MOXD1: variants seen among roughly 807,000 people sequenced by gnomAD.
MOXD1 encodes DBH-like monooxygenase protein 1.
Under a neutral mutation model 66.6 loss-of-function variants are expected in MOXD1, and 62 were observed. That is an observed-to-expected ratio of 0.93 (90% confidence interval 0.76 to 1.15). The LOEUF is 1.15. Among genes scored for constraint, MOXD1 ranks in the 50% most tolerant of loss-of-function variants. The probability of loss-of-function intolerance (pLI) is 0.00; values close to 1 mark genes in which losing one functional copy is unlikely to be tolerated. For synonymous variants in MOXD1, 303 were observed against 281.9 expected, an observed-to-expected ratio of 1.07 and a Z score of -0.75; for missense variants, 847 against 754.6, an observed-to-expected ratio of 1.12 and a Z score of -1.44.
intron 9 of MOXD1, among the ~76,000 whole-genome samples, chr6:132,317,168 T>A (rs1442696280): frequency 6.6e-6 from 1 of 152,140 alleles, no homozygotes; most frequent in African/African-American, 2.4e-5. Flanking sequence ...ACAAAGCAAC[T>A]GCCAACCAAG....
In MOXD1 at chr6:132,322,765, C is replaced by T. The variant is rs1295845106; in HGVS notation, c.1219G>A (p.Glu407Lys). ...IRLRHFRKGK[E>K]MKLLAYDDDF... is the part of the protein sequence containing the mutation. ...TCATCATAGGCAAGTAATTTCATTT[C>T]CTTCCCTTTTCGAAAATGACGCAGC... Residue 407 changes from glutamate to lysine, a missense_variant, in exon 8 of 12, where the codon GAA becomes AAA. Physicochemically the swap from Glu to Lys is moderately conservative, Grantham distance 56. Transcript: ENST00000367963. 6 of 1,614,092 alleles carry T rather than the reference C, an allele frequency of 3.7e-6. No individual in the cohort carries two copies. Among genetic ancestry groups the T allele is most frequent in the Non-Finnish European group, 5.1e-6 (6 of 1,179,982 alleles).
At position 132,296,526 on chromosome 6, in the gene MOXD1, A is replaced by G. The variant is rs1287345412; in HGVS notation, c.*627T>C. On this transcript the variant is annotated 3_prime_UTR_variant, in exon 12 of 12. Coordinates refer to ENST00000367963, the MANE Select transcript of MOXD1 (RefSeq NM_015529.4). ...CAGTACTAAACAGGGAAGGTGAAAA[A>G]AAGTACTTTAAGATGGGTGTGGGGT... The G allele has an allele frequency of 1.3e-5, 2 of 152,182 alleles. No homozygotes were observed. Among genetic ancestry groups the G allele is most frequent in the Admixed American group, 6.6e-5 (1 of 15,264 alleles). 9.4% of individuals were successfully genotyped at this position (152,182 alleles called of 1,614,324 possible).
At chr6:132,353,585 G>C (rs1254068738) in intron 4 of MOXD1, among the ~76,000 whole-genome samples, 1 of 152,000 alleles carries the variant, frequency 6.6e-6, no homozygotes, top group East Asian at 1.9e-4. Flanking sequence ...TGTCTCGTAG[G>C]TCTTACACTT....
At chr6:132,373,270 A>G (rs1210446333) in intron 2 of MOXD1, among the ~76,000 whole-genome samples, 2 of 152,220 alleles carry the variant, frequency 1.3e-5, no homozygotes, top group Non-Finnish European at 2.9e-5. Flanking sequence ...TGACTCAGTA[A>G]TTACACTTTG....
chr6:132,372,285 C>T (rs1056286393), intron 4 of MOXD1, among the ~76,000 whole-genome samples: 3 of 152,046 alleles, frequency 2.0e-5, no homozygotes, highest in African/African-American at 7.2e-5. Flanking sequence ...TTTATCAATA[C>T]GTAAACATAC....
intron 4 of MOXD1, among the ~76,000 whole-genome samples, chr6:132,356,973 G>T (rs1188215650): frequency 6.6e-6 from 1 of 151,750 alleles, no homozygotes; most frequent in Non-Finnish European, 1.5e-5. Context: ...CTTATTATGA[G>T]AAGTATATAT....
At chr6:132,328,616 G>A in intron 4 of MOXD1, 22 bp from the exon 5 acceptor site, 1 of 1,607,540 alleles carries the variant, frequency 6.2e-7, no homozygotes, top group African/African-American at 1.3e-5. Context: ...TAAATGAGAG[G>A]GAGGACACAA....
intron 1 of MOXD1, among the ~76,000 whole-genome samples, chr6:132,392,499 C>T (rs897574620): frequency 3.3e-5 from 5 of 151,982 alleles, no homozygotes; most frequent in Admixed American, 1.3e-4. Context: ...ATGATTCGGG[C>T]GGGGGTGGAG....
chr6:132,307,314 G>A (rs750803974), intron 10 of MOXD1, among the ~76,000 whole-genome samples: 4 of 152,126 alleles, frequency 2.6e-5, no homozygotes, highest in Non-Finnish European at 1.5e-5. Context: ...AACAAGAAGA[G>A]CTAACTATTC....
chr6:132,343,514 G>T (rs1382285599), intron 4 of MOXD1, among the ~76,000 whole-genome samples: 2 of 152,058 alleles, frequency 1.3e-5, no homozygotes, highest in South Asian at 4.1e-4. Context: ...GGCAGAGGTT[G>T]CAGTGAGCCG....
intron 4 of MOXD1, among the ~76,000 whole-genome samples, chr6:132,348,408 G>A (rs1289877197): frequency 6.6e-6 from 1 of 152,192 alleles, no homozygotes; most frequent in Admixed American, 6.5e-5. Flanking sequence ...ATGTTGAAGT[G>A]ACCTGCCAAA....
At position 132,401,155 on chromosome 6, in the gene MOXD1, G is replaced by C; in HGVS notation, c.264+8C>G. The C allele has an allele frequency of 1.3e-6, 2 of 1,500,034 alleles. No individual in the cohort carries two copies. The highest frequency in any genetic ancestry group is 1.8e-6 in the Non-Finnish European group (2 of 1,129,358). The allele number at this position is 1,500,034 out of a possible 1,614,324, so 92.9% of individuals were successfully genotyped here. A position where few individuals can be genotyped will look rare whatever the true frequency, so the allele number is the denominator to read the frequency against. ...GGCCGGGCGGGCTCCGGGAGGAGAC[G>C]CGCTTACCTGGAGGTAGGGCCGCCC... is the stretch of plus-strand genomic sequence containing the variant. On this transcript the variant is annotated splice_region_variant and intron_variant, in intron 1 of 11. Transcript: ENST00000367963.
chr6:132,320,767 T>A, intron 8 of MOXD1, 79 bp from the exon 9 acceptor site: 1 of 1,201,370 alleles, frequency 8.3e-7, no homozygotes, highest in Non-Finnish European at 1.2e-6. Flanking sequence ...CGTCAACAGT[T>A]AATATTTGCT....
intron 1 of MOXD1, among the ~76,000 whole-genome samples, chr6:132,379,037 T>C (rs33998012): frequency 7.0e-4 from 106 of 151,462 alleles, no homozygotes; most frequent in Admixed American, 1.8e-3. Context: ...TATACCAGCA[T>C]TACTTTGTTA....
At chr6:132,389,318 G>A (rs922528077) in intron 1 of MOXD1, among the ~76,000 whole-genome samples, 4 of 151,472 alleles carry the variant, frequency 2.6e-5, no homozygotes, top group Non-Finnish European at 5.9e-5. Context: ...AAATGTGCAA[G>A]CACATGCTAG....
At chr6:132,331,687 T>A (rs1311789314) in intron 4 of MOXD1, among the ~76,000 whole-genome samples, 2 of 152,152 alleles carry the variant, frequency 1.3e-5, no homozygotes, top group Non-Finnish European at 2.9e-5. Flanking sequence ...ATCCTTATCT[T>A]ACAGATTTAC....
chr6:132,303,165 C>G (rs1218868699), intron 10 of MOXD1, among the ~76,000 whole-genome samples: 1 of 151,740 alleles, frequency 6.6e-6, no homozygotes, highest in Non-Finnish European at 1.5e-5. Context: ...ACAAAACAAA[C>G]CAAAAAAATG....
chr6:132,365,272 G>A (rs545042600), intron 4 of MOXD1, among the ~76,000 whole-genome samples: 205 of 152,242 alleles, frequency 1.3e-3, no homozygotes, highest in African/African-American at 4.6e-3. Flanking sequence ...GCTCTAGAAA[G>A]GACTAAGATG....
chr6:132,360,975 C>T (rs917056786), intron 4 of MOXD1, among the ~76,000 whole-genome samples: 1 of 152,166 alleles, frequency 6.6e-6, no homozygotes, highest in Admixed American at 6.6e-5. Flanking sequence ...GACCAAGAGG[C>T]TATGGGAGCA....
Sources: allele counts gnomAD v4.1 joint callset (sites outside exome capture counted in the v4.1 genomes callset), GRCh38; gene constraint gnomAD v4.1.1; transcripts MANE v1.5; gene names NCBI Gene and HGNC (gene_info 2026-07-23, HGNC 2026-07-21).